ERC1: variants seen among roughly 807,000 people sequenced by gnomAD.
ERC1 encodes the protein ELKS/RAB6-interacting/CAST family member 1, also known as RAB6 interacting protein 2.
In ERC1, 56 loss-of-function variants were observed where a neutral mutation model predicts 132.0. The ratio of observed to expected loss-of-function variants is 0.42; its 90% CI spans 0.34 to 0.53. ERC1 has a LOEUF of 0.53. ERC1 is among the 20% of genes least tolerant of loss of function. The probability of loss-of-function intolerance (pLI) is 0.03; values close to 1 mark genes in which losing one functional copy is unlikely to be tolerated. For missense variants in ERC1, 1,202 were observed against 1,349.9 expected, an observed-to-expected ratio of 0.89 and a Z score of 1.72; for synonymous variants, 478 against 476.1, an observed-to-expected ratio of 1.00 and a Z score of -0.05.
intron 16 of ERC1, among the ~76,000 whole-genome samples, chr12:1,384,195 G>A (rs942351010): frequency 1.2e-4 from 18 of 152,186 alleles, no homozygotes; most frequent in Non-Finnish European, 2.4e-4. Context: ...ATACATTACT[G>A]TAAAGGACTG....
At chr12:1,299,036 G>A (rs531142403) in intron 15 of ERC1, among the ~76,000 whole-genome samples, 4 of 152,154 alleles carry the variant, frequency 2.6e-5, no homozygotes, top group South Asian at 2.1e-4. Flanking sequence ...AGGACAGACC[G>A]ACAGAACTAA....
intron 18 of ERC1, among the ~76,000 whole-genome samples, chr12:1,467,915 A>G (rs796641081): frequency 5.9e-5 from 9 of 152,330 alleles, no homozygotes; most frequent in African/African-American, 1.9e-4. Flanking sequence ...CTGATCTGAC[A>G]AGAGACGGAA....
chr12:1,071,762 T>G (rs1341985851), intron 2 of ERC1, among the ~76,000 whole-genome samples: 2 of 152,182 alleles, frequency 1.3e-5, no homozygotes, highest in African/African-American at 4.8e-5. Context: ...AGTTTTATCA[T>G]TAGTACTTCC....
chr12:1,186,416 A>G (rs1955100459), intron 11 of ERC1, among the ~76,000 whole-genome samples: 1 of 152,212 alleles, frequency 6.6e-6, no homozygotes, highest in Non-Finnish European at 1.5e-5. Flanking sequence ...GGTTTTAATA[A>G]TGTTAAAGGT....
intron 17 of ERC1, among the ~76,000 whole-genome samples, chr12:1,429,483 C>G (rs1202189116): frequency 1.3e-5 from 2 of 152,130 alleles, no homozygotes; most frequent in Admixed American, 6.5e-5. Flanking sequence ...TAGAATAATT[C>G]TATGTGATGT....
At chr12:1,276,223 G>C (rs369965086) in intron 14 of ERC1, among the ~76,000 whole-genome samples, 460 of 148,376 alleles carry the variant, frequency 3.1e-3, no homozygotes, top group Non-Finnish European at 5.2e-3. Flanking sequence ...TCATGTTTTT[G>C]TTTTTCTTTT....
intron 15 of ERC1, among the ~76,000 whole-genome samples, chr12:1,335,335 T>G (rs2083222089): frequency 6.6e-6 from 1 of 152,216 alleles, no homozygotes; most frequent in Non-Finnish European, 1.5e-5. Context: ...CTCCAGCTTT[T>G]GTTTATTCAG....
At chr12:1,184,004 C>T (rs1367854125) in intron 11 of ERC1, among the ~76,000 whole-genome samples, 2 of 151,948 alleles carry the variant, frequency 1.3e-5, no homozygotes, top group African/African-American at 2.4e-5. Context: ...GGCTTGGTGG[C>T]GCAGGCCTGT....
rs568990293 is a variant in ERC1, at chr12:1,099,601, T to G, written c.1087-5149T>G. 1.5e-4 allele frequency among the ~76,000 whole-genome samples: 23 copies of G among 152,302 alleles called. No individual in the cohort carries two copies. In the East Asian group the frequency reaches 4.2e-3, roughly 28 times the overall value. On this transcript the variant is annotated intron_variant, in intron 3 of 18. Transcript: ENST00000360905. ...TTATACAGTTACTTAAAAAGTATTT[T>G]CATTCATTTGACAAATATTTGAGTA... is the stretch of plus-strand genomic sequence containing the variant.
chr12:1,460,067 G>A (rs1390338643), intron 18 of ERC1, among the ~76,000 whole-genome samples: 4 of 152,252 alleles, frequency 2.6e-5, no homozygotes, highest in Non-Finnish European at 5.9e-5. Context: ...TACCAGAATA[G>A]ACTTAAAGAT....
At chr12:1,263,590 C>T (rs1019643732) in intron 14 of ERC1, among the ~76,000 whole-genome samples, 2 of 152,092 alleles carry the variant, frequency 1.3e-5, no homozygotes, top group Non-Finnish European at 1.5e-5. Flanking sequence ...ATGTATTGGA[C>T]GAGATGAAAT....
Position 1,110,201 on chromosome 12 carries a change from A to G in ERC1, c.1171A>G (p.Ile391Val), listed in dbSNP as rs745886323. 1 of 1,604,214 alleles carries G rather than the reference A, an allele frequency of 6.2e-7. No individual in the cohort carries two copies. Among genetic ancestry groups the G allele is most frequent in the Non-Finnish European group, 8.5e-7 (1 of 1,177,120 alleles). ...CTTCCATTGTCTTCAGGATTCAAAA[A>G]TTTCCTCTATGGAGCGTGGGCTTCG... ...QTVIEMKDSK[I>V]SSMERGLRDL... Residue 391 changes from isoleucine (I) to valine (V), a missense_variant, in exon 5 of 19, where the codon ATT becomes GTT. Coordinates refer to ENST00000360905, the MANE Select transcript of ERC1 (RefSeq NM_178040.4).
chr12:1,035,708 G>C (rs553632637), intron 2 of ERC1, among the ~76,000 whole-genome samples: 1 of 152,188 alleles, frequency 6.6e-6, no homozygotes, highest in Non-Finnish European at 1.5e-5. Flanking sequence ...GGATCACGAG[G>C]TCAGGAGATC....
At chr12:1,326,374 A>G (rs1374683409) in intron 15 of ERC1, among the ~76,000 whole-genome samples, 2 of 152,178 alleles carry the variant, frequency 1.3e-5, no homozygotes, top group Non-Finnish European at 1.5e-5. Context: ...TTCTAGTCAG[A>G]CTGGGATAAT....
intron 12 of ERC1, among the ~76,000 whole-genome samples, chr12:1,219,257 A>G (rs1199752763): frequency 2.0e-5 from 3 of 152,006 alleles, no homozygotes; most frequent in Admixed American, 6.5e-5. Flanking sequence ...GCTCCAGAAT[A>G]CTCTACTTAT....
rs991335754 is a variant in ERC1 at position 1,230,632 on chromosome 12, CTGTT to C, written c.2352-6134_2352-6131del. ...GGTCTAATGTTTTCTTATTGACAGACTGTTTGACCTATCCATTGTTAAAAGTGGG... is the reference window on the plus strand; with the variant it reads ...GGTCTAATGTTTTCTTATTGACAGACTGACCTATCCATTGTTAAAAGTGGG... On this transcript the variant is annotated intron_variant, in intron 12 of 18. Coordinates refer to ENST00000360905, the MANE Select transcript of ERC1 (RefSeq NM_178040.4). Among the ~76,000 whole-genome samples the C allele has an allele frequency of 1.1e-4, 17 of 152,264 alleles. No homozygotes were observed. In the South Asian group the frequency reaches 1.5e-3, roughly 13 times the overall value.
rs1469594667 is a variant in ERC1, at chr12:1,493,810, A to T, written c.*3580A>T. On this transcript the variant is annotated 3_prime_UTR_variant, in exon 19 of 19. Coordinates refer to ENST00000360905, the MANE Select transcript of ERC1 (RefSeq NM_178040.4). ...TTTTCCATGAGGAACTTGCGGGCTC[A>T]CCCACCCCCAGAGTGAGAGAAGAGG... The T allele has an allele frequency of 4.5e-6, 1 of 222,992 alleles. No homozygotes were observed. The highest frequency in any genetic ancestry group is 8.9e-6 in the Non-Finnish European group (1 of 112,146). 13.8% of individuals were successfully genotyped at this position (222,992 alleles called of 1,614,324 possible). A position where few individuals can be genotyped will look rare whatever the true frequency, so the allele number is the denominator to read the frequency against.
At chr12:992,193 C>T (rs947697826) in intron 1 of ERC1, among the ~76,000 whole-genome samples, 1 of 152,148 alleles carries the variant, frequency 6.6e-6, no homozygotes, top group Non-Finnish European at 1.5e-5. Flanking sequence ...TAAAAGATCT[C>T]TTTATACCAC....
chr12:1,487,997 GC>G (rs1204725511), intron 18 of ERC1, among the ~76,000 whole-genome samples: 1 of 151,956 alleles, frequency 6.6e-6, no homozygotes, highest in Non-Finnish European at 1.5e-5. Context: ...AATTAGCTGG[GC>G]GTGGTAGCAG....
Sources: allele counts gnomAD v4.1 joint callset (sites outside exome capture counted in the v4.1 genomes callset), GRCh38; gene constraint gnomAD v4.1.1; transcripts MANE v1.5; gene names NCBI Gene and HGNC (gene_info 2026-07-23, HGNC 2026-07-21).